The following PLAGL1 variants were observed in gnomAD, a reference collection of about 807,000 sequenced individuals.
PLAGL1 encodes PLAG1 like zinc finger 1.
A neutral mutation model predicts 4.6 loss-of-function variants in PLAGL1; 1 was observed. That is an observed-to-expected ratio of 0.22 (90% CI 0.08 to 1.03). The LOEUF is 1.03. PLAGL1 is among the 50% of genes least tolerant of loss of function. The probability of loss-of-function intolerance (pLI) is 0.58; values close to 1 mark genes in which losing one functional copy is unlikely to be tolerated. For synonymous variants in PLAGL1, 240 were observed against 237.8 expected, an observed-to-expected ratio of 1.01 and a Z score of -0.08; for missense variants, 464 against 570.4, an observed-to-expected ratio of 0.81 and a Z score of 1.90.
At chr6:144,057,612 C>T (rs569388497) in intron 1 of PLAGL1, among the ~76,000 whole-genome samples, 4 of 152,244 alleles carry the variant, frequency 2.6e-5, no homozygotes, top group East Asian at 1.9e-4. Flanking sequence ...TGCTACATTC[C>T]CTTCAATCTT....
In PLAGL1 at chr6:143,940,665, A is replaced by AAGTC. The variant is rs1407749517; in HGVS notation, c.*755_*758dup. 1 of 152,460 alleles carries AAGTC rather than the reference A, an allele frequency of 6.6e-6. No individual in the cohort carries two copies. The highest frequency in any genetic ancestry group is 2.4e-5 in the African/African-American group (1 of 41,434). 9.4% of individuals were successfully genotyped at this position (152,460 alleles called of 1,614,324 possible). On this transcript the variant is annotated 3_prime_UTR_variant, in exon 8 of 8. Coordinates refer to ENST00000674357, the MANE Select transcript of PLAGL1 (RefSeq NM_001317162.2). ...CCTGTTAAAAATATAATCAATATTA[A>AAGTC]AGTCAGCAAAATGCCTTTGACTGAC...
intron 1 of PLAGL1, among the ~76,000 whole-genome samples, chr6:144,033,292 G>A (rs1306164360): frequency 6.6e-6 from 1 of 152,120 alleles, no homozygotes; most frequent in Non-Finnish European, 1.5e-5. Context: ...ACAGACCTAG[G>A]GCATAATAAA....
Position 143,994,713 on chromosome 6 carries a change from C to T in PLAGL1, c.-583-9539G>A, listed in dbSNP as rs567609828. Among the ~76,000 whole-genome samples, 123 of 152,250 alleles carry T rather than the reference C, an allele frequency of 8.1e-4. No homozygotes were observed. Among genetic ancestry groups the T allele is most frequent in the Middle Eastern group, 3.4e-3 (1 of 294 alleles). On this transcript the variant is annotated intron_variant, in intron 1 of 7. Coordinates refer to ENST00000674357, the MANE Select transcript of PLAGL1 (RefSeq NM_001317162.2). This position sits in a 1 kb window ranked among gnomAD's most constrained non-coding sequence, Gnocchi z 4.3. ...CCACTGTTACAGATTCAAATGTGTC[C>T]TCAAAATTCAAATGTTGAAAACCCA...
At chr6:144,013,411 C>T (rs76187997), upstream of PLAGL1, among the ~76,000 whole-genome samples, 330 of 152,270 alleles carry the variant, frequency 2.2e-3, 10 homozygotes, top group East Asian at 0.055. The surrounding 1 kb of genome is among the most constrained non-coding windows in gnomAD (Gnocchi z 4.4). Flanking sequence ...TTGACAACTA[C>T]ACCCCATCCT....
At position 143,960,580 on chromosome 6, in the gene PLAGL1, GC is replaced by G. The variant is rs1318234866; in HGVS notation, c.-398-39del. 4 of 152,196 alleles carry G rather than the reference GC, an allele frequency of 2.6e-5. No individual in the cohort carries two copies. Among genetic ancestry groups the G allele is most frequent in the African/African-American group, 7.2e-5 (3 of 41,444 alleles). 9.4% of individuals were successfully genotyped at this position (152,196 alleles called of 1,614,324 possible). A position where few individuals can be genotyped will look rare whatever the true frequency, so the allele number is the denominator to read the frequency against. On this transcript the variant is annotated intron_variant, in intron 5 of 7. Transcript: ENST00000674357. This position sits in a 1 kb window ranked among gnomAD's most constrained non-coding sequence, Gnocchi z 5.7. ...ACCTTGTACATCGTCAGGGAATGAA[GC>G]TAGGAAAACATTCCTCCATTATGTT...
rs1272389268 is a variant in PLAGL1 at position 143,984,425 on chromosome 6, C to T, written c.-544+710G>A. Reference sequence around the variant, plus strand: ...AATTTGATTTTAACTCAGCTTTTTTCCCAAATTTAAATGACCATATGCTCA... The same window carrying T: ...AATTTGATTTTAACTCAGCTTTTTTTCCAAATTTAAATGACCATATGCTCA... On this transcript the variant is annotated intron_variant, in intron 2 of 7. Transcript: ENST00000674357. The surrounding 1 kb of genome is among the most constrained non-coding windows in gnomAD (Gnocchi z 5.5). Among the ~76,000 whole-genome samples the T allele has an allele frequency of 6.6e-6, 1 of 151,984 alleles. No homozygotes were observed. The highest frequency in any genetic ancestry group is 1.5e-5 in the Non-Finnish European group (1 of 68,010).
At chr6:143,987,380 A>G (rs1484336035) in intron 1 of PLAGL1, among the ~76,000 whole-genome samples, 1 of 142,484 alleles carries the variant, frequency 7.0e-6, no homozygotes, top group Non-Finnish European at 1.5e-5. Flanking sequence ...GAGGTTCTGG[A>G]GGAGGAAACC....
rs569432850 is a variant in PLAGL1, at chr6:143,977,012, G to C, written c.-543-8034C>G. Among the ~76,000 whole-genome samples the C allele has an allele frequency of 1.1e-4, 17 of 151,840 alleles. 1 individual carries two copies. The South Asian group carries it at 2.9e-3, about 26-fold the overall frequency. ...TTTCCTGTTCGATTTTTTTAAAATA[G>C]GCTACTTTTTAGAGAAGTTTATGTT... On this transcript the variant is annotated intron_variant, in intron 2 of 7. Coordinates refer to ENST00000674357, the MANE Select transcript of PLAGL1 (RefSeq NM_001317162.2).
At chr6:144,045,933 G>C (rs1279073728) in intron 1 of PLAGL1, among the ~76,000 whole-genome samples, 12 of 151,706 alleles carry the variant, frequency 7.9e-5, no homozygotes, top group South Asian at 4.2e-4. Context: ...TCATTCATTT[G>C]ATCTTCAATC....
intron 6 of PLAGL1, among the ~76,000 whole-genome samples, chr6:143,951,279 C>T (rs1781027797): frequency 6.6e-6 from 1 of 152,212 alleles, no homozygotes; most frequent in Non-Finnish European, 1.5e-5. Flanking sequence ...ATTAAAAGTA[C>T]TATAGAACCA....
In PLAGL1 at chr6:143,948,668, A is replaced by T. The variant is rs1780323530; in HGVS notation, c.-324-208T>A. ...GGTGAGGAGTCAAGCACTGATGGCC[A>T]GTGGAGCACACTTTCCCTCTGGTAA... On this transcript the variant is annotated intron_variant, in intron 6 of 7. Coordinates refer to ENST00000674357, the MANE Select transcript of PLAGL1 (RefSeq NM_001317162.2). This position sits in a 1 kb window ranked among gnomAD's most constrained non-coding sequence, Gnocchi z 6.0. 6.6e-6 allele frequency among the ~76,000 whole-genome samples: 1 copy of T among 152,110 alleles called. No individual in the cohort carries two copies. The highest frequency in any genetic ancestry group is 2.1e-4 in the South Asian group (1 of 4,812).
Position 144,006,952 on chromosome 6 carries a change from T to C in PLAGL1, c.-584+1138A>G, listed in dbSNP as rs1018342053. On this transcript the variant is annotated intron_variant, in intron 1 of 7. Coordinates refer to ENST00000674357, the MANE Select transcript of PLAGL1 (RefSeq NM_001317162.2). The surrounding 1 kb of genome is among the most constrained non-coding windows in gnomAD (Gnocchi z 4.3). ...GATGTTCTATTCTCCGTCTGTGTTT[T>C]ACAAATTCTGATCATCCATTTAAAT... 1 of 152,200 alleles carries C rather than the reference T, an allele frequency of 6.6e-6. No homozygotes were observed. The highest frequency in any genetic ancestry group is 1.5e-5 in the Non-Finnish European group (1 of 68,040). The allele number at this position is 152,200 out of a possible 1,614,324, so 9.4% of individuals were successfully genotyped here. A position where few individuals can be genotyped will look rare whatever the true frequency, so the allele number is the denominator to read the frequency against.
chr6:143,962,999 A>G lies in PLAGL1; in HGVS notation c.-399+1788T>C, dbSNP rs1783678666. Among the ~76,000 whole-genome samples, 2 of 152,254 alleles carry G rather than the reference A, an allele frequency of 1.3e-5. No homozygotes were observed. Among genetic ancestry groups the G allele is most frequent in the Non-Finnish European group, 2.9e-5 (2 of 68,050 alleles). ...ACAGACAACTAAATCTTATTTCAGC[A>G]AGATGGATCATGGTGAACAATGAGA... is the stretch of plus-strand genomic sequence containing the variant. On this transcript the variant is annotated intron_variant, in intron 5 of 7. Coordinates refer to ENST00000674357, the MANE Select transcript of PLAGL1 (RefSeq NM_001317162.2). This position sits in a 1 kb window ranked among gnomAD's most constrained non-coding sequence, Gnocchi z 5.3.
At position 143,978,424 on chromosome 6, in the gene PLAGL1, C is replaced by A. The variant is rs538546506; in HGVS notation, c.-544+6711G>T. ...TTTTTCTTGAGATTTTTCTTTGATCCATGGGTTATTTAGAAGCATACTGTT... is the reference window on the plus strand; with the variant it reads ...TTTTTCTTGAGATTTTTCTTTGATCAATGGGTTATTTAGAAGCATACTGTT... On this transcript the variant is annotated intron_variant, in intron 2 of 7. Transcript: ENST00000674357. This position sits in a 1 kb window ranked among gnomAD's most constrained non-coding sequence, Gnocchi z 4.6. 3.9e-5 allele frequency among the ~76,000 whole-genome samples: 6 copies of A among 151,996 alleles called. No individual in the cohort carries two copies. The highest frequency in any genetic ancestry group is 1.2e-4 in the African/African-American group (5 of 41,476).
Position 144,000,021 on chromosome 6 carries a change from G to A in PLAGL1, c.-584+8069C>T, listed in dbSNP as rs953083478. 1.3e-5 allele frequency among the ~76,000 whole-genome samples: 2 copies of A among 152,120 alleles called. No individual in the cohort carries two copies. Among genetic ancestry groups the A allele is most frequent in the African/African-American group, 4.8e-5 (2 of 41,412 alleles). On this transcript the variant is annotated intron_variant, in intron 1 of 7. Transcript: ENST00000674357. The surrounding 1 kb of genome is among the most constrained non-coding windows in gnomAD (Gnocchi z 4.1). ...TATACTACATGGCAGCAGAGGAGCA[G>A]AACTAGGAATTGAATGCAAGCAATC... is the stretch of plus-strand genomic sequence containing the variant.
At position 143,978,879 on chromosome 6, in the gene PLAGL1, A is replaced by T. The variant is rs1253031606; in HGVS notation, c.-544+6256T>A. 6.6e-6 allele frequency among the ~76,000 whole-genome samples: 1 copy of T among 152,134 alleles called. No individual in the cohort carries two copies. The highest frequency in any genetic ancestry group is 1.5e-5 in the Non-Finnish European group (1 of 68,000). ...GCCTTCTTGGTTTTCCAACTACTTG[A>T]TCTATTATCTATTGAAGGAAGGGTG... On this transcript the variant is annotated intron_variant, in intron 2 of 7. Coordinates refer to ENST00000674357, the MANE Select transcript of PLAGL1 (RefSeq NM_001317162.2). This position sits in a 1 kb window ranked among gnomAD's most constrained non-coding sequence, Gnocchi z 4.6.
In PLAGL1 at chr6:143,970,024, T is replaced by G. The variant is rs1785129059; in HGVS notation, c.-543-1046A>C. ...GAAGACAGGAAATAGATCAATAACT[T>G]AAACCCATCAACCCTCACCTCCACA... is the stretch of plus-strand genomic sequence containing the variant. On this transcript the variant is annotated intron_variant, in intron 2 of 7. Coordinates refer to ENST00000674357, the MANE Select transcript of PLAGL1 (RefSeq NM_001317162.2). The surrounding 1 kb of genome is among the most constrained non-coding windows in gnomAD (Gnocchi z 5.8). 6.6e-6 allele frequency among the ~76,000 whole-genome samples: 1 copy of G among 152,130 alleles called. No homozygotes were observed. The highest frequency in any genetic ancestry group is 2.1e-4 in the South Asian group (1 of 4,828).
At position 143,997,192 on chromosome 6, in the gene PLAGL1, T is replaced by A. The variant is rs1791822150; in HGVS notation, c.-584+10898A>T. Among the ~76,000 whole-genome samples the A allele has an allele frequency of 6.6e-6, 1 of 152,204 alleles. No individual in the cohort carries two copies. The highest frequency in any genetic ancestry group is 6.5e-5 in the Admixed American group (1 of 15,290). On this transcript the variant is annotated intron_variant, in intron 1 of 7. Coordinates refer to ENST00000674357, the MANE Select transcript of PLAGL1 (RefSeq NM_001317162.2). The surrounding 1 kb of genome is among the most constrained non-coding windows in gnomAD (Gnocchi z 4.6). ...TGCTGATGAAAATGTGCACTCCAACTACAACTCTATTGCTAGCAAAAGTGT... is the reference window on the plus strand; with the variant it reads ...TGCTGATGAAAATGTGCACTCCAACAACAACTCTATTGCTAGCAAAAGTGT...
chr6:143,980,868 T>A (rs181035497), intron 2 of PLAGL1, among the ~76,000 whole-genome samples: 50 of 152,360 alleles, frequency 3.3e-4, no homozygotes, highest in South Asian at 6.2e-4. Flanking sequence ...AACAATTTGA[T>A]CCTTCAAACC....
Sources: allele counts gnomAD v4.1 joint callset (sites outside exome capture counted in the v4.1 genomes callset), GRCh38; gene constraint gnomAD v4.1.1; non-coding constraint Gnocchi (gnomAD v3.1); transcripts MANE v1.5; gene names NCBI Gene and HGNC (gene_info 2026-07-23, HGNC 2026-07-21).